Variants in LRRC4C observed in about 807,000 individuals in gnomAD.
LRRC4C encodes leucine-rich repeat-containing protein 4C.
LRRC4C carries 5 observed loss-of-function variants against 33.6 expected under a neutral mutation model. That is an observed-to-expected ratio of 0.15 (90% CI 0.08 to 0.31). LRRC4C has a LOEUF of 0.31. LRRC4C is among the 10% of genes least tolerant of loss of function. The pLI, the probability that LRRC4C is intolerant of heterozygous loss-of-function variation, is 1.00. For missense variants in LRRC4C, 560 were observed against 796.7 expected (o/e 0.70, Z 3.58); for synonymous variants, 329 against 302.0 (o/e 1.09, Z -0.93).
chr11:40,905,905 A>G (rs1956393744), intron 2 of LRRC4C, among the ~76,000 whole-genome samples: 1 of 152,232 alleles, frequency 6.6e-6, no homozygotes, highest in African/African-American at 2.4e-5. Context: ...ATTGAGTCTA[A>G]TTTTGCAAGA....
intron 1 of LRRC4C, among the ~76,000 whole-genome samples, chr11:41,022,145 T>TTA (rs1407645646): frequency 1.4e-4 from 17 of 121,284 alleles, no homozygotes; most frequent in African/African-American, 5.1e-4. Context: ...TTTTGTTTTA[T>TTA]ATATATATAT....
At chr11:41,310,204 G>C (rs1950608352) in intron 1 of LRRC4C, among the ~76,000 whole-genome samples, 1 of 152,102 alleles carries the variant, frequency 6.6e-6, no homozygotes, top group African/African-American at 2.4e-5. Flanking sequence ...TTTCTATTTT[G>C]TATCAGCCAA....
intron 3 of LRRC4C, among the ~76,000 whole-genome samples, chr11:40,342,625 A>G (rs1946921830): frequency 6.6e-6 from 1 of 152,174 alleles, no homozygotes; most frequent in South Asian, 2.1e-4. Context: ...ATTATACAAC[A>G]TAACTACTTT....
At chr11:40,209,785 C>A (rs1306316626) in intron 5 of LRRC4C, among the ~76,000 whole-genome samples, 2 of 152,118 alleles carry the variant, frequency 1.3e-5, no homozygotes, top group Non-Finnish European at 2.9e-5. Context: ...TCCTCAAGAA[C>A]TTTAATTCTA....
intron 3 of LRRC4C, among the ~76,000 whole-genome samples, chr11:40,387,780 A>G (rs1949169051): frequency 6.6e-6 from 1 of 152,158 alleles, no homozygotes; most frequent in Non-Finnish European, 1.5e-5. Context: ...GTTACTTTGT[A>G]AATGGTTAAG....
chr11:41,409,482 C>A (rs1954376626), intron 1 of LRRC4C, among the ~76,000 whole-genome samples: 2 of 152,106 alleles, frequency 1.3e-5, no homozygotes, highest in Admixed American at 1.3e-4. Context: ...ATGAAATTGT[C>A]TTTTTTAATC....
chr11:40,201,432 A>G (rs1325673797), intron 5 of LRRC4C, among the ~76,000 whole-genome samples: 1 of 152,188 alleles, frequency 6.6e-6, no homozygotes, highest in Non-Finnish European at 1.5e-5. Flanking sequence ...ACAGCAACAA[A>G]CTAAACAAAT....
chr11:40,645,053 A>G (rs1194486775), intron 3 of LRRC4C, among the ~76,000 whole-genome samples: 1 of 152,046 alleles, frequency 6.6e-6, no homozygotes, highest in African/African-American at 2.4e-5. Context: ...TTGTATCTCT[A>G]CTGCACGGCA....
At chr11:40,215,412 A>G (rs1863905458) in intron 5 of LRRC4C, among the ~76,000 whole-genome samples, 1 of 152,140 alleles carries the variant, frequency 6.6e-6, no homozygotes, top group South Asian at 2.1e-4. Context: ...GCATTTTCAC[A>G]TCCACAATTT....
At chr11:40,601,965 C>A (rs1232777665) in intron 3 of LRRC4C, among the ~76,000 whole-genome samples, 3 of 151,682 alleles carry the variant, frequency 2.0e-5, no homozygotes, top group African/African-American at 7.3e-5. Flanking sequence ...CCAAGGCAGG[C>A]AGAACACGAG....
rs1378823407 is a variant in LRRC4C, at chr11:40,589,632, C to T, written c.-270+58510G>A. 3.3e-3 allele frequency among the ~76,000 whole-genome samples: 497 copies of T among 151,940 alleles called. 2 individuals are homozygous for T. Among genetic ancestry groups the T allele is most frequent in the African/African-American group, 0.011 (456 of 41,370 alleles). ...GGCTGGTACCAGTTGTTCCTTTCCA[C>T]GTTTAGTGCTTCCTTCAGGAGCTCT... On this transcript the variant is annotated intron_variant, in intron 3 of 6. Transcript: ENST00000528697.
chr11:40,399,962 A>C (rs1370831656), intron 3 of LRRC4C, among the ~76,000 whole-genome samples: 1 of 152,118 alleles, frequency 6.6e-6, no homozygotes, highest in Non-Finnish European at 1.5e-5. Flanking sequence ...AATAACTACA[A>C]AGGACAAAAT....
intron 1 of LRRC4C, among the ~76,000 whole-genome samples, chr11:40,964,282 A>G (rs1169089777): frequency 2.6e-5 from 4 of 151,834 alleles, no homozygotes; most frequent in Admixed American, 6.6e-5. Context: ...CAAGTGGCAG[A>G]AAAAAACCCA....
At chr11:40,673,542 C>A (rs576009692) in intron 2 of LRRC4C, among the ~76,000 whole-genome samples, 1 of 152,212 alleles carries the variant, frequency 6.6e-6, no homozygotes, top group South Asian at 2.1e-4. Context: ...AGTAGCATAA[C>A]TTTCTCAAAA....
intron 3 of LRRC4C, among the ~76,000 whole-genome samples, chr11:40,547,353 C>A (rs543097671): frequency 6.6e-6 from 1 of 152,138 alleles, no homozygotes; most frequent in Non-Finnish European, 1.5e-5. Flanking sequence ...AAGCCAAATT[C>A]TGGGTGGAGA....
intron 1 of LRRC4C, among the ~76,000 whole-genome samples, chr11:41,166,244 T>A (rs1038132243): frequency 2.6e-5 from 4 of 152,188 alleles, no homozygotes; most frequent in Non-Finnish European, 2.9e-5. Context: ...AATATATCTG[T>A]TTGGTCTTCA....
intron 3 of LRRC4C, among the ~76,000 whole-genome samples, chr11:40,511,065 T>A (rs1955291883): frequency 6.6e-6 from 1 of 152,156 alleles, no homozygotes; most frequent in African/African-American, 2.4e-5. Context: ...TATTGTAAGG[T>A]GTGCCTCTTA....
intron 1 of LRRC4C, among the ~76,000 whole-genome samples, chr11:40,973,040 C>A (rs964630715): frequency 1.3e-5 from 2 of 152,098 alleles, no homozygotes; most frequent in African/African-American, 2.4e-5. Flanking sequence ...GGCTCCTGCT[C>A]CAGTCATGTG....
intron 1 of LRRC4C, among the ~76,000 whole-genome samples, chr11:41,050,213 A>G (rs1858100850): frequency 6.6e-6 from 1 of 152,180 alleles, no homozygotes; most frequent in Non-Finnish European, 1.5e-5. Flanking sequence ...TGAAAAATTT[A>G]CTTAACCTCT....
Sources: allele counts gnomAD v4.1 joint callset (sites outside exome capture counted in the v4.1 genomes callset), GRCh38; gene constraint gnomAD v4.1.1; transcripts MANE v1.5; gene names NCBI Gene and HGNC (gene_info 2026-07-23, HGNC 2026-07-21).